PDE1C: variants seen among roughly 807,000 people sequenced by gnomAD.
PDE1C encodes the protein dual specificity calcium/calmodulin-dependent 3',5'-cyclic nucleotide phosphodiesterase 1C.
Under a neutral mutation model 93.1 loss-of-function variants are expected in PDE1C, and 62 were observed. The ratio of observed to expected loss-of-function variants is 0.67; its 90% CI spans 0.54 to 0.82. PDE1C has a LOEUF of 0.82. Among genes scored for constraint, PDE1C ranks in the 40% least tolerant of loss-of-function variants. The pLI is 0.00. For missense variants in PDE1C, 742 were observed against 884.6 expected (o/e 0.84, Z 2.04); for synonymous variants, 325 against 310.1 (o/e 1.05, Z -0.50).
the PDE1C span, among the ~76,000 whole-genome samples, chr7:31,699,760 G>A: frequency 2.6e-5 from 4 of 151,746 alleles, no homozygotes; most frequent in Non-Finnish European, 4.4e-5. Flanking sequence ...TTGCATTTTA[G>A]TAGTTCTTGC....
At chr7:32,066,587 C>T (rs1795435704) in intron 1 of PDE1C, among the ~76,000 whole-genome samples, 1 of 152,092 alleles carries the variant, frequency 6.6e-6, no homozygotes, top group South Asian at 2.1e-4. Context: ...ATCTAGCAGG[C>T]TGGCAATAGA....
intron 16 of PDE1C, among the ~76,000 whole-genome samples, chr7:31,778,672 T>C (rs1168682263): frequency 6.6e-6 from 1 of 152,228 alleles, no homozygotes; most frequent in Non-Finnish European, 1.5e-5. Context: ...ATTTGGCTGC[T>C]TGGTCATTGC....
rs186883880 is a variant in PDE1C, at chr7:32,185,417, C to A, written c.137-15461G>T. ...TTCTAGCCTTTAGTTTCTTCTTTTA[C>A]GTTGTTTTTATCCTGGGAATAGTCT... On this transcript the variant is annotated intron_variant, in intron 2 of 18. Coordinates refer to the PDE1C transcript ENST00000396193. 6.6e-3 allele frequency among the ~76,000 whole-genome samples: 997 copies of A among 152,092 alleles called. 8 individuals carry two copies. Among genetic ancestry groups the A allele is most frequent in the Middle Eastern group, 0.017 (5 of 294 alleles).
intron 17 of PDE1C, among the ~76,000 whole-genome samples, chr7:31,759,158 G>A (rs1310054165): frequency 6.6e-6 from 1 of 152,176 alleles, no homozygotes; most frequent in Non-Finnish European, 1.5e-5. Context: ...GTACATTGCT[G>A]TTTTGTATGC....
intron 2 of PDE1C, among the ~76,000 whole-genome samples, chr7:31,934,476 T>C (rs1804750311): frequency 6.6e-6 from 1 of 151,924 alleles, no homozygotes. Flanking sequence ...GCACTGAAAC[T>C]AGTTTATGCT....
chr7:31,798,385 G>C (rs1317089608), intron 16 of PDE1C, among the ~76,000 whole-genome samples: 1 of 151,670 alleles, frequency 6.6e-6, no homozygotes, highest in Non-Finnish European at 1.5e-5. Flanking sequence ...CGAGCTCCCA[G>C]ATGAAGGAAT....
intron 2 of PDE1C, among the ~76,000 whole-genome samples, chr7:32,034,459 T>C (rs992657604): frequency 6.6e-6 from 1 of 152,084 alleles, no homozygotes; most frequent in Non-Finnish European, 1.5e-5. Context: ...CCCTTAGCAG[T>C]GAAAAAAGAG....
At chr7:31,770,857 C>T (rs1424180680) in intron 17 of PDE1C, among the ~76,000 whole-genome samples, 1 of 152,176 alleles carries the variant, frequency 6.6e-6, no homozygotes, top group Non-Finnish European at 1.5e-5. Flanking sequence ...GTTCCCTCTC[C>T]ATGCTATATT....
intron 2 of PDE1C, among the ~76,000 whole-genome samples, chr7:32,037,099 G>A (rs59736764): frequency 0.073 from 11,151 of 152,148 alleles, 486 homozygotes; most frequent in Non-Finnish European, 0.09. Context: ...TTAAAAAGGG[G>A]GGATCACATC....
chr7:32,244,235 G>A (rs1808750654), intron 1 of PDE1C, among the ~76,000 whole-genome samples: 1 of 152,192 alleles, frequency 6.6e-6, no homozygotes, highest in Non-Finnish European at 1.5e-5. Flanking sequence ...GCCCAAGGAA[G>A]GAGGATAGAG....
At chr7:32,421,719 T>C (rs1289566946) in intron 1 of PDE1C, among the ~76,000 whole-genome samples, 1 of 152,172 alleles carries the variant, frequency 6.6e-6, no homozygotes, top group Non-Finnish European at 1.5e-5. Context: ...TTGATTTAAA[T>C]TCCCTTCCCT....
chr7:31,633,163 G>T, the PDE1C span, among the ~76,000 whole-genome samples: 1 of 152,096 alleles, frequency 6.6e-6, no homozygotes, highest in Non-Finnish European at 1.5e-5. Context: ...GGGATTACAG[G>T]CGTGAGCTAC....
intron 2 of PDE1C, among the ~76,000 whole-genome samples, chr7:31,934,255 A>G (rs944551858): frequency 7.9e-5 from 12 of 152,308 alleles, no homozygotes; most frequent in Admixed American, 7.2e-4. Context: ...TTTGATGTAC[A>G]TCTCTGCTCT....
At chr7:32,110,969 T>A (rs1473168923) in intron 3 of PDE1C, among the ~76,000 whole-genome samples, 6 of 152,156 alleles carry the variant, frequency 3.9e-5, no homozygotes, top group African/African-American at 1.4e-4. Flanking sequence ...GGGGAGGCAG[T>A]GGACTGACAC....
At chr7:31,968,785 A>G (rs563255797) in intron 2 of PDE1C, among the ~76,000 whole-genome samples, 3 of 152,182 alleles carry the variant, frequency 2.0e-5, no homozygotes, top group Non-Finnish European at 2.9e-5. Context: ...AAACAGAGAT[A>G]TAGACAAATG....
chr7:31,917,019 T>C (rs1275428064), intron 2 of PDE1C, among the ~76,000 whole-genome samples: 3 of 152,094 alleles, frequency 2.0e-5, no homozygotes, highest in Admixed American at 1.3e-4. Context: ...AGAATCCTAC[T>C]ACCAGGCATG....
intron 1 of PDE1C, among the ~76,000 whole-genome samples, chr7:32,320,293 T>C (rs913712210): frequency 1.3e-5 from 2 of 152,070 alleles, no homozygotes; most frequent in African/African-American, 4.8e-5. Flanking sequence ...GGTTAGTCGA[T>C]TTGCTTTATT....
At chr7:31,724,822 G>A in the PDE1C span, among the ~76,000 whole-genome samples, 1 of 152,116 alleles carries the variant, frequency 6.6e-6, no homozygotes, top group African/African-American at 2.4e-5. Context: ...TATAAGGTGG[G>A]CTGTGCGCTA....
intron 16 of PDE1C, chr7:31,789,760 G>A: frequency 1.0e-6 from 1 of 986,414 alleles, no homozygotes. Flanking sequence ...GGTGATGAAT[G>A]TCAGCATGGC....
Sources: allele counts gnomAD v4.1 joint callset (sites outside exome capture counted in the v4.1 genomes callset), GRCh38; gene constraint gnomAD v4.1.1; transcripts MANE v1.5; gene names NCBI Gene and HGNC (gene_info 2026-07-23, HGNC 2026-07-21).